Variants in CNTN6 observed in about 807,000 individuals in gnomAD.
CNTN6 encodes contactin 6.
In CNTN6, 137 loss-of-function variants were observed where a neutral mutation model predicts 122.8. That is an observed-to-expected ratio of 1.12 (90% confidence interval 0.97 to 1.29). CNTN6 has a LOEUF of 1.29. Ranked by LOEUF, CNTN6 falls within the 50% of genes most tolerant of loss-of-function variation. CNTN6 has a pLI of 0.00. For missense variants in CNTN6, 1,634 were observed against 1,223.4 expected (o/e 1.34, Z -5.01); for synonymous variants, 570 against 426.0 (o/e 1.34, Z -4.16).
intron 4 of CNTN6, among the ~76,000 whole-genome samples, chr3:1,262,013 TAAATG>T (rs1378881257): frequency 2.6e-5 from 4 of 152,106 alleles, no homozygotes; most frequent in Non-Finnish European, 4.4e-5. Context: ...ATCCTTCAAA[TAAATG>T]AAAAACCCAA....
At chr3:1,127,101 T>C (rs1374880158) in intron 1 of CNTN6, among the ~76,000 whole-genome samples, 2 of 151,672 alleles carry the variant, frequency 1.3e-5, no homozygotes, top group Admixed American at 1.3e-4. Flanking sequence ...TATATATAAT[T>C]TATACATGCT....
intron 19 of CNTN6, 22 bp from the exon 20 acceptor site, chr3:1,385,589 T>C (rs755663782): frequency 6.4e-7 from 1 of 1,564,422 alleles, no homozygotes; most frequent in South Asian, 1.2e-5. Context: ...ATAAATTGCT[T>C]GTTTTGGTTT....
chr3:1,361,116 A>C (rs155898), intron 12 of CNTN6, among the ~76,000 whole-genome samples: 29,762 of 151,950 alleles, frequency 0.2, 3,945 homozygotes, highest in East Asian at 0.67. Flanking sequence ...CATTGGCAAA[A>C]TATGCAAATA....
At chr3:1,376,870 G>A (rs1012149618) in intron 16 of CNTN6, 135 bp from the exon 17 acceptor site, 12 of 565,770 alleles carry the variant, frequency 2.1e-5, no homozygotes, top group African/African-American at 5.7e-5. Context: ...CATAATTTAC[G>A]TTCATTAAAA....
chr3:1,192,009 C>G (rs1275129469), intron 2 of CNTN6, among the ~76,000 whole-genome samples: 5 of 152,184 alleles, frequency 3.3e-5, no homozygotes, highest in Non-Finnish European at 7.4e-5. Context: ...CACCTACCTA[C>G]TTTATTGCGG....
intron 7 of CNTN6, among the ~76,000 whole-genome samples, chr3:1,311,406 A>G (rs1699259079): frequency 1.1e-5 from 1 of 87,370 alleles, no homozygotes; most frequent in South Asian, 4.6e-4. Context: ...ATATGTACAT[A>G]TAAAATGTCT....
At chr3:1,242,904 T>C (rs2094505622) in intron 4 of CNTN6, among the ~76,000 whole-genome samples, 1 of 151,732 alleles carries the variant, frequency 6.6e-6, no homozygotes, top group Admixed American at 6.6e-5. Context: ...CCCACAACAG[T>C]TATGGAGGCA....
At chr3:1,142,111 A>G (rs114710763) in intron 1 of CNTN6, among the ~76,000 whole-genome samples, 1,899 of 152,072 alleles carry the variant, frequency 0.012, 46 homozygotes, top group African/African-American at 0.043. Flanking sequence ...CCATTATTTG[A>G]CTTACACATT....
chr3:1,352,844 A>G (rs904251250), intron 12 of CNTN6, among the ~76,000 whole-genome samples: 2 of 151,794 alleles, frequency 1.3e-5, no homozygotes, highest in African/African-American at 4.8e-5. Context: ...AGGCTACCAA[A>G]TACATAACTG....
At chr3:1,098,789 C>CACACACATAT (rs1211008614) in intron 1 of CNTN6, among the ~76,000 whole-genome samples, 3 of 63,250 alleles carry the variant, frequency 4.7e-5, no homozygotes, top group Non-Finnish European at 8.2e-5. Context: ...CACACACACA[C>CACACACATAT]ATATATATAT....
intron 20 of CNTN6, among the ~76,000 whole-genome samples, chr3:1,388,265 A>G (rs963665235): frequency 1.6e-4 from 24 of 149,134 alleles, no homozygotes; most frequent in East Asian, 1.2e-3. Context: ...CTGACCCCCG[A>G]GCAGCCTAAC....
At chr3:1,179,311 T>A (rs1260864035) in intron 2 of CNTN6, among the ~76,000 whole-genome samples, 1 of 152,134 alleles carries the variant, frequency 6.6e-6, no homozygotes, top group Admixed American at 6.5e-5. Flanking sequence ...GATTTGGAGA[T>A]GACAAAACAT....
intron 4 of CNTN6, among the ~76,000 whole-genome samples, chr3:1,241,199 G>A (rs2094478404): frequency 6.6e-6 from 1 of 152,112 alleles, no homozygotes; most frequent in South Asian, 2.1e-4. Context: ...GCAAGTTACA[G>A]GGGATGCGAT....
At chr3:1,093,665 A>C (rs2090361655) in intron 1 of CNTN6, among the ~76,000 whole-genome samples, 1 of 152,160 alleles carries the variant, frequency 6.6e-6, no homozygotes, top group South Asian at 2.1e-4. Context: ...ATATGGGCTC[A>C]CCAAATTTTG....
intron 4 of CNTN6, among the ~76,000 whole-genome samples, chr3:1,238,535 A>C (rs1247289433): frequency 6.6e-6 from 1 of 152,226 alleles, no homozygotes; most frequent in Non-Finnish European, 1.5e-5. Context: ...CAAGTCATCA[A>C]GACAGAAAGT....
intron 20 of CNTN6, among the ~76,000 whole-genome samples, chr3:1,387,966 G>T (rs1433532121): frequency 6.6e-6 from 1 of 152,076 alleles, no homozygotes; most frequent in Non-Finnish European, 1.5e-5. Context: ...AAACTGCAAG[G>T]CGGCAGCGAG....
intron 20 of CNTN6, among the ~76,000 whole-genome samples, chr3:1,387,918 C>G (rs1038181450): frequency 5.3e-5 from 8 of 152,120 alleles, no homozygotes; most frequent in Non-Finnish European, 8.8e-5. Flanking sequence ...CCTACGCCCA[C>G]GGAATCTCGC....
At chr3:1,215,241 CAT>C (rs542342879) in intron 2 of CNTN6, among the ~76,000 whole-genome samples, 8 of 152,330 alleles carry the variant, frequency 5.3e-5, no homozygotes, top group Admixed American at 3.3e-4. Flanking sequence ...TTTACTGAGA[CAT>C]GTGTTTGATT....
chr3:1,350,732 T>G (rs1705493849), intron 11 of CNTN6, among the ~76,000 whole-genome samples: 1 of 151,832 alleles, frequency 6.6e-6, no homozygotes, highest in Non-Finnish European at 1.5e-5. Flanking sequence ...CCTTTAGATA[T>G]CAGCAGACCT....
Sources: gnomAD v4.1 joint callset for allele counts (sites outside exome capture counted in the v4.1 genomes callset) on GRCh38, gnomAD v4.1.1 for gene constraint, MANE v1.5 for transcripts, NCBI Gene and HGNC (gene_info 2026-07-23, HGNC 2026-07-21) for gene names.